Variants in METTL15 observed in about 807,000 individuals in gnomAD.
The protein encoded by METTL15 is 12S rRNA N(4)-cytidine methyltransferase METTL15.
Under a neutral mutation model 38.3 loss-of-function variants are expected in METTL15, and 34 were observed. The observed-to-expected ratio is 0.89, with a 90% confidence interval of 0.68 to 1.18. METTL15 has a LOEUF of 1.18. Among genes scored for constraint, METTL15 ranks in the 50% most tolerant of loss-of-function variants. METTL15 has a pLI of 0.00. For missense variants in METTL15, 438 were observed against 498.4 expected, an observed-to-expected ratio of 0.88 and a Z score of 1.15; for synonymous variants, 162 against 170.9, an observed-to-expected ratio of 0.95 and a Z score of 0.41.
At chr11:28,117,247 G>GTA (rs1852006953) in intron 3 of METTL15, among the ~76,000 whole-genome samples, 5 of 18,662 alleles carry the variant, frequency 2.7e-4, no homozygotes, top group East Asian at 1.2e-3. Flanking sequence ...GTGTGTGTGT[G>GTA]TGTGTGTGTG....
intron 3 of METTL15, among the ~76,000 whole-genome samples, chr11:28,195,331 A>G (rs528951789): frequency 2.0e-5 from 3 of 152,256 alleles, no homozygotes; most frequent in Non-Finnish European, 2.9e-5. Flanking sequence ...CATTTCCACC[A>G]GCAATGTATA....
chr11:28,290,487 C>A, intron 5 of METTL15, 90 bp downstream of exon 5: 1 of 1,159,290 alleles, frequency 8.6e-7, no homozygotes, highest in Non-Finnish European at 1.2e-6. Context: ...TACAGAATTT[C>A]CATTACATGC....
chr11:28,524,883 T>C (rs1350027144), intron 6 of METTL15, among the ~76,000 whole-genome samples: 1 of 152,154 alleles, frequency 6.6e-6, no homozygotes, highest in Non-Finnish European at 1.5e-5. Context: ...AGTGTTACAG[T>C]TCTTAAAGGC....
At chr11:28,522,891 T>C (rs553783982) in intron 6 of METTL15, among the ~76,000 whole-genome samples, 1 of 152,362 alleles carries the variant, frequency 6.6e-6, no homozygotes, top group Non-Finnish European at 1.5e-5. Context: ...CATTTGTTTA[T>C]TCACCCACTT....
At chr11:28,422,304 C>A (rs1850827244) in intron 5 of METTL15, among the ~76,000 whole-genome samples, 1 of 151,872 alleles carries the variant, frequency 6.6e-6, no homozygotes, top group Non-Finnish European at 1.5e-5. Flanking sequence ...ATCAAAATAC[C>A]AATGACATTC....
chr11:28,241,728 A>T (rs1406481863), intron 4 of METTL15, among the ~76,000 whole-genome samples: 2 of 152,146 alleles, frequency 1.3e-5, no homozygotes, highest in African/African-American at 2.4e-5. Flanking sequence ...AGGCAAAGGA[A>T]AAGCCAGAGC....
chr11:28,487,406 TTATGA>T (rs1292030330), intron 6 of METTL15, among the ~76,000 whole-genome samples: 4 of 152,154 alleles, frequency 2.6e-5, no homozygotes, highest in African/African-American at 9.7e-5. Context: ...AGAAAGATAC[TTATGA>T]TATATTTTAA....
At chr11:28,378,720 C>T (rs1850349060) in intron 5 of METTL15, among the ~76,000 whole-genome samples, 1 of 148,354 alleles carries the variant, frequency 6.7e-6, no homozygotes, top group African/African-American at 2.5e-5. Flanking sequence ...CAGGGTAATG[C>T]TAGTGTCTTA....
chr11:28,440,956 G>T (rs1851029267), intron 6 of METTL15, among the ~76,000 whole-genome samples: 1 of 151,610 alleles, frequency 6.6e-6, no homozygotes, highest in South Asian at 2.1e-4. Flanking sequence ...GAGATGTGCT[G>T]TTAAGTATAA....
chr11:28,209,586 T>G (rs1852534962), intron 3 of METTL15, among the ~76,000 whole-genome samples: 1 of 152,062 alleles, frequency 6.6e-6, no homozygotes, highest in African/African-American at 2.4e-5. Context: ...TGCTTGTACA[T>G]TTTCACCACA....
chr11:28,285,647 C>T (rs1856229849), intron 4 of METTL15, among the ~76,000 whole-genome samples: 1 of 152,116 alleles, frequency 6.6e-6, no homozygotes, highest in South Asian at 2.1e-4. Flanking sequence ...AGGCTCAATT[C>T]AGTGGCCTGG....
intron 3 of METTL15, among the ~76,000 whole-genome samples, chr11:28,343,025 A>G (rs542377078): frequency 2.0e-5 from 3 of 152,154 alleles, no homozygotes. Context: ...GAATTTATGT[A>G]TATTCTTTAT....
chr11:28,266,668 A>G (rs1855431349), intron 4 of METTL15, among the ~76,000 whole-genome samples: 1 of 152,158 alleles, frequency 6.6e-6, no homozygotes, highest in Non-Finnish European at 1.5e-5. Flanking sequence ...ATTAGGACAT[A>G]GACTGCACCA....
chr11:28,161,436 C>T (rs1441042324), intron 3 of METTL15, among the ~76,000 whole-genome samples: 2 of 151,946 alleles, frequency 1.3e-5, no homozygotes. Flanking sequence ...TCATTTCTTA[C>T]ATAAAGGGTA....
At chr11:28,206,413 G>T (rs1196549508) in intron 3 of METTL15, among the ~76,000 whole-genome samples, 2 of 152,232 alleles carry the variant, frequency 1.3e-5, no homozygotes, top group East Asian at 3.9e-4. Context: ...AGATCAGATG[G>T]TTGTAGATGT....
At chr11:28,184,767 C>A (rs1193549030) in intron 3 of METTL15, among the ~76,000 whole-genome samples, 1 of 150,694 alleles carries the variant, frequency 6.6e-6, no homozygotes, top group Non-Finnish European at 1.5e-5. Flanking sequence ...TGTTCTTATG[C>A]GAAAGGAAAA....
intron 6 of METTL15, among the ~76,000 whole-genome samples, chr11:28,466,258 A>G (rs112946316): frequency 2.4e-4 from 37 of 152,236 alleles, no homozygotes; most frequent in Non-Finnish European, 5.4e-4. Flanking sequence ...TAGATTGACG[A>G]ACGGCCAAAT....
chr11:28,263,209 T>A (rs1304074977), intron 4 of METTL15, among the ~76,000 whole-genome samples: 2 of 152,064 alleles, frequency 1.3e-5, no homozygotes, highest in Non-Finnish European at 2.9e-5. Context: ...TAGTAAGAAA[T>A]GGAGAAATGT....
chr11:28,356,496 A>G (rs1850091071), intron 4 of METTL15, among the ~76,000 whole-genome samples: 1 of 152,180 alleles, frequency 6.6e-6, no homozygotes, highest in African/African-American at 2.4e-5. Context: ...GCATATTTAT[A>G]TGGAGGCACA....
Sources: gnomAD v4.1 joint callset for allele counts (sites outside exome capture counted in the v4.1 genomes callset) on GRCh38, gnomAD v4.1.1 for gene constraint, MANE v1.5 for transcripts, NCBI Gene and HGNC (gene_info 2026-07-23, HGNC 2026-07-21) for gene names.